The following AGTRAP variants were observed in gnomAD, a reference collection of about 807,000 sequenced individuals.
The protein encoded by AGTRAP is type-1 angiotensin II receptor-associated protein.
Under a neutral mutation model 15.2 loss-of-function variants are expected in AGTRAP, and 7 were observed. The ratio of observed to expected loss-of-function variants is 0.46; its 90% CI spans 0.26 to 0.87. The LOEUF (loss-of-function observed/expected upper bound fraction) is 0.87. Ranked by LOEUF, AGTRAP falls within the 40% of genes least tolerant of loss-of-function variation. AGTRAP has a pLI of 0.15. For missense variants in AGTRAP, 187 were observed against 213.4 expected (o/e 0.88, Z 0.77); for synonymous variants, 74 against 89.6 (o/e 0.83, Z 0.98).
chr1:11,736,966 T>C (rs1340970585), intron 1 of AGTRAP, among the ~76,000 whole-genome samples: 1 of 152,178 alleles, frequency 6.6e-6, no homozygotes, highest in Non-Finnish European at 1.5e-5. Context: ...GGCTAGGGGC[T>C]GTAGTTTTGG....
chr1:11,747,638 T>C, intron 3 of AGTRAP, 93 bp downstream of exon 3: 1 of 1,310,340 alleles, frequency 7.6e-7, no homozygotes, highest in African/African-American at 1.4e-5. Flanking sequence ...ATCCCAATCT[T>C]CCCCCTCTTC....
At chr1:11,738,047 T>C (rs1432294076) in intron 1 of AGTRAP, among the ~76,000 whole-genome samples, 1 of 152,192 alleles carries the variant, frequency 6.6e-6, no homozygotes, top group African/African-American at 2.4e-5. Context: ...TTATTCATGA[T>C]CTGATATTGG....
Position 11,745,888 on chromosome 1 carries a change from T to C in AGTRAP, c.62+51T>C. On this transcript the variant is annotated intron_variant, in intron 2 of 4. Coordinates refer to ENST00000314340, the MANE Select transcript of AGTRAP (RefSeq NM_020350.5). This position sits in a 1 kb window ranked among gnomAD's most constrained non-coding sequence, Gnocchi z 4.2. ...GTGTCTCCTGCGGTCTCAGGGTCTG[T>C]GTCAGCCGGGTCAGGTCCTGGTTCT... 6.2e-7 allele frequency: 1 copy of C among 1,610,130 alleles called. No individual in the cohort carries two copies. The highest frequency in any genetic ancestry group is 1.7e-5 in the Admixed American group (1 of 60,006).
chr1:11,749,345 T>G (rs11121820), intron 4 of AGTRAP, among the ~76,000 whole-genome samples: 59,204 of 152,132 alleles, frequency 0.39, 11,921 homozygotes, highest in East Asian at 0.59. Context: ...ACGTGGCCTG[T>G]GACTGCCACC....
intron 1 of AGTRAP, among the ~76,000 whole-genome samples, chr1:11,742,300 TGA>T (rs2100767167): frequency 6.6e-6 from 1 of 152,346 alleles, no homozygotes; most frequent in East Asian, 1.9e-4. Flanking sequence ...TAAGGTCATG[TGA>T]GACGGTTGGC....
Position 11,736,175 on chromosome 1 carries a change from G to C in AGTRAP, c.-34G>C, listed in dbSNP as rs1557699900. On this transcript the variant is annotated 5_prime_UTR_variant, in exon 1 of 5. Transcript: ENST00000314340. Reference sequence around the variant, plus strand: ...AGTTCGGAGCCTAGGAGCCCCCCGCGGCTGCGGCGCAGGTGCCCTCGGCCT... The same window carrying C: ...AGTTCGGAGCCTAGGAGCCCCCCGCCGCTGCGGCGCAGGTGCCCTCGGCCT... 6.3e-7 allele frequency: 1 copy of C among 1,593,242 alleles called. No homozygotes were observed. Among genetic ancestry groups the C allele is most frequent in the Non-Finnish European group, 8.5e-7 (1 of 1,171,188 alleles).
intron 1 of AGTRAP, chr1:11,744,444 C>A: frequency 1.5e-6 from 1 of 673,356 alleles, no homozygotes. Context: ...CTTCCCGAGG[C>A]CCTCAGGCCC....
At chr1:11,747,385 A>T (rs1181283447) in intron 2 of AGTRAP, 55 bp from the exon 3 acceptor site, 2 of 1,501,450 alleles carry the variant, frequency 1.3e-6, no homozygotes, top group Non-Finnish European at 1.9e-6. Context: ...AGCAGGAGGG[A>T]GGTGACCTGC....
At chr1:11,747,048 C>T (rs773338409) in intron 2 of AGTRAP, among the ~76,000 whole-genome samples, 2 of 152,186 alleles carry the variant, frequency 1.3e-5, no homozygotes, top group African/African-American at 4.8e-5. Flanking sequence ...AGGCTGTGTC[C>T]GGGATCCCAC....
chr1:11,746,057 C>T (rs1642155581), intron 2 of AGTRAP: 2 of 1,503,292 alleles, frequency 1.3e-6, no homozygotes, highest in South Asian at 1.1e-5. Context: ...CTCCCCAGGG[C>T]CTGCCCCACA....
chr1:11,742,810 G>A (rs4073576), intron 1 of AGTRAP, among the ~76,000 whole-genome samples: 55,590 of 152,066 alleles, frequency 0.37, 11,265 homozygotes, highest in Non-Finnish European at 0.45. Flanking sequence ...GATTACAGGC[G>A]TGAGCCACCA....
Position 11,745,874 on chromosome 1 carries a change from G to T in AGTRAP, c.62+37G>T. On this transcript the variant is annotated intron_variant, in intron 2 of 4. Transcript: ENST00000314340. The surrounding 1 kb of genome is among the most constrained non-coding windows in gnomAD (Gnocchi z 4.2). Reference sequence around the variant, plus strand: ...TGTGGGTATCTTGTGTGTCTCCTGCGGTCTCAGGGTCTGTGTCAGCCGGGT... The same window carrying T: ...TGTGGGTATCTTGTGTGTCTCCTGCTGTCTCAGGGTCTGTGTCAGCCGGGT... The T allele has an allele frequency of 6.2e-7, 1 of 1,613,182 alleles. No individual in the cohort carries two copies. The highest frequency in any genetic ancestry group is 8.5e-7 in the Non-Finnish European group (1 of 1,179,182).
At chr1:11,746,053 A>T in intron 2 of AGTRAP, 1 of 1,489,400 alleles carries the variant, frequency 6.7e-7, no homozygotes, top group South Asian at 1.1e-5. Flanking sequence ...AGAGCTCCCC[A>T]GGGCCTGCCC....
At chr1:11,737,704 TTCTG>T (rs1354381327) in intron 1 of AGTRAP, among the ~76,000 whole-genome samples, 1 of 152,186 alleles carries the variant, frequency 6.6e-6, no homozygotes, top group Non-Finnish European at 1.5e-5. Context: ...CGTTGGCTGT[TTCTG>T]TCCTTTGGGA....
chr1:11,746,177 C>T (rs143389939), intron 2 of AGTRAP: 1 of 1,613,652 alleles, frequency 6.2e-7, no homozygotes, highest in East Asian at 2.2e-5. Context: ...ATTGAGCTCA[C>T]CTGTGCACTT....
chr1:11,747,073 CT>C (rs1642181892), intron 2 of AGTRAP, among the ~76,000 whole-genome samples: 1 of 152,216 alleles, frequency 6.6e-6, no homozygotes, highest in African/African-American at 2.4e-5. Flanking sequence ...CCCTTAGGCC[CT>C]GGTGAAGAGT....
intron 1 of AGTRAP, among the ~76,000 whole-genome samples, chr1:11,741,377 G>A (rs952671128): frequency 2.6e-5 from 4 of 152,238 alleles, no homozygotes; most frequent in Non-Finnish European, 4.4e-5. Context: ...CTAGGGCAGA[G>A]TACCTGGTTA....
At position 11,745,681 on chromosome 1, in the gene AGTRAP, A is replaced by G. The variant is rs1642143693; in HGVS notation, c.28-122A>G. The G allele has an allele frequency of 1.5e-5, 16 of 1,041,134 alleles. No homozygotes were observed. 64.5% of individuals were successfully genotyped at this position (1,041,134 alleles called of 1,614,324 possible). A position where few individuals can be genotyped will look rare whatever the true frequency, so the allele number is the denominator to read the frequency against. ...TTGCTGGTGTGCCTTTTCAACAGAC[A>G]TTACTGAGGCCCTCAGAGGTGCCAG... On this transcript the variant is annotated intron_variant, in intron 1 of 4. Coordinates refer to ENST00000314340, the MANE Select transcript of AGTRAP (RefSeq NM_020350.5). This position sits in a 1 kb window ranked among gnomAD's most constrained non-coding sequence, Gnocchi z 4.2.
rs200088833 is a variant in AGTRAP at position 11,747,519 on chromosome 1, C to T, written c.142C>T (p.Arg48Trp). Reference sequence around the variant, plus strand: ...CTTGGGCGTGTGGGCTGTGGCTCAGCGGGACTCCATCGACGCCATAAGCAT... The same window carrying T: ...CTTGGGCGTGTGGGCTGTGGCTCAGTGGGACTCCATCGACGCCATAAGCAT... ...LALGVWAVAQ[R>W]DSIDAISMFL... The change falls in exon 3 of 5, where the codon CGG becomes TGG. Residue 48 changes from arginine (R) to tryptophan (W), a missense_variant. Physicochemically the swap from Arg to Trp is moderately radical, Grantham distance 101. Transcript: ENST00000314340. 6.9e-5 allele frequency: 111 copies of T among 1,614,044 alleles called. No homozygotes were observed. The African/African-American group carries it at 1.3e-3, about 18-fold the overall frequency.
Sources: allele counts gnomAD v4.1 joint callset (sites outside exome capture counted in the v4.1 genomes callset), GRCh38; gene constraint gnomAD v4.1.1; non-coding constraint Gnocchi (gnomAD v3.1); transcripts MANE v1.5; gene names NCBI Gene and HGNC (gene_info 2026-07-23, HGNC 2026-07-21).